The following PRKG1 variants were observed in gnomAD, a reference collection of about 807,000 sequenced individuals.
The protein encoded by PRKG1 is cGMP-dependent protein kinase 1.
A neutral mutation model predicts 88.1 loss-of-function variants in PRKG1; 35 were observed. That is an observed-to-expected ratio of 0.40 (90% CI 0.30 to 0.53). The LOEUF (loss-of-function observed/expected upper bound fraction) is 0.53, where lower values mean the gene tolerates loss of function less well. Among genes scored for constraint, PRKG1 ranks in the 20% least tolerant of loss-of-function variants. The pLI is 0.59. For missense variants in PRKG1, 540 were observed against 839.8 expected, an observed-to-expected ratio of 0.64 and a Z score of 4.41; for synonymous variants, 303 against 292.5, an observed-to-expected ratio of 1.04 and a Z score of -0.37.
intron 3 of PRKG1, among the ~76,000 whole-genome samples, chr10:51,619,343 T>C (rs1160446253): frequency 1.3e-5 from 2 of 152,188 alleles, no homozygotes; most frequent in Non-Finnish European, 2.9e-5. Flanking sequence ...ACTAATGCCT[T>C]GATATTAGCA....
rs114877482 is a variant in PRKG1, at chr10:51,793,051, C to T, written c.593-11534C>T. ...CATTATTAAGTGAAAAAAAAAGGTGCTAGTGACTATCTCCAAACAAATGGA... is the reference window on the plus strand; with the variant it reads ...CATTATTAAGTGAAAAAAAAAGGTGTTAGTGACTATCTCCAAACAAATGGA... On this transcript the variant is annotated intron_variant, in intron 3 of 17. Coordinates refer to ENST00000373980, the MANE Select transcript of PRKG1 (RefSeq NM_006258.4). Among the ~76,000 whole-genome samples the T allele has an allele frequency of 8.5e-3, 1,226 of 144,366 alleles. 23 individuals carry two copies. Among genetic ancestry groups the T allele is most frequent in the African/African-American group, 0.03 (1,157 of 38,650 alleles). 94.7% of individuals were successfully genotyped at this position (144,366 alleles called of 152,430 possible). A position where few individuals can be genotyped will look rare whatever the true frequency, so the allele number is the denominator to read the frequency against.
intron 4 of PRKG1, among the ~76,000 whole-genome samples, chr10:51,862,434 G>A (rs1436091105): frequency 6.6e-6 from 1 of 152,156 alleles, no homozygotes; most frequent in African/African-American, 2.4e-5. Flanking sequence ...GAGTGAGCCA[G>A]TCAGGGAAGA....
chr10:51,711,358 G>A (rs1168692081), intron 3 of PRKG1, among the ~76,000 whole-genome samples: 1 of 151,288 alleles, frequency 6.6e-6, no homozygotes, highest in African/African-American at 2.4e-5. Flanking sequence ...CCCGCCTCGG[G>A]CTCCCAAAGT....
intron 2 of PRKG1, among the ~76,000 whole-genome samples, chr10:51,271,923 G>C (rs1422642456): frequency 6.6e-6 from 1 of 152,182 alleles, no homozygotes; most frequent in Non-Finnish European, 1.5e-5. Context: ...AATTCTTTGG[G>C]TGTATACCCA....
At chr10:52,240,352 C>G (rs565515881) in intron 9 of PRKG1, among the ~76,000 whole-genome samples, 4 of 152,210 alleles carry the variant, frequency 2.6e-5, no homozygotes, top group Non-Finnish European at 2.9e-5. Context: ...TTCTACAAAA[C>G]ACTTGTCAAG....
chr10:51,462,763 T>G (rs1420927286), intron 2 of PRKG1, among the ~76,000 whole-genome samples: 1 of 152,194 alleles, frequency 6.6e-6, no homozygotes, highest in Non-Finnish European at 1.5e-5. Flanking sequence ...TAAACGTCAT[T>G]TTAGCCAACT....
At chr10:51,777,678 T>C (rs1589278309) in intron 3 of PRKG1, among the ~76,000 whole-genome samples, 1 of 152,290 alleles carries the variant, frequency 6.6e-6, no homozygotes, top group East Asian at 1.9e-4. Context: ...GTACATTCTA[T>C]GGGTGTGGAT....
At chr10:50,999,260 T>C (rs1842863757) in intron 1 of PRKG1, among the ~76,000 whole-genome samples, 1 of 152,230 alleles carries the variant, frequency 6.6e-6, no homozygotes, top group South Asian at 2.1e-4. Flanking sequence ...TTGATTTGGA[T>C]TGATTTTGTT....
chr10:51,148,087 A>T (rs1291138595), intron 1 of PRKG1, among the ~76,000 whole-genome samples: 1 of 152,204 alleles, frequency 6.6e-6, no homozygotes, highest in Non-Finnish European at 1.5e-5. Context: ...TATAGGTATT[A>T]ATCAAATATT....
chr10:51,088,672 T>C (rs76580013), intron 1 of PRKG1, among the ~76,000 whole-genome samples: 1,653 of 152,264 alleles, frequency 0.011, 32 homozygotes, highest in African/African-American at 0.038. Context: ...AATTTCTATG[T>C]TTTGACTGTT....
chr10:52,036,852 T>A (rs1422893566), intron 5 of PRKG1, among the ~76,000 whole-genome samples: 1 of 151,782 alleles, frequency 6.6e-6, no homozygotes, highest in Non-Finnish European at 1.5e-5. Flanking sequence ...TGGCCGTCAA[T>A]ACCCACAACA....
At chr10:51,759,236 T>G (rs915777925) in intron 3 of PRKG1, among the ~76,000 whole-genome samples, 28 of 151,980 alleles carry the variant, frequency 1.8e-4, no homozygotes, top group African/African-American at 6.8e-4. Flanking sequence ...TGGGTCAAAT[T>G]GTATTTTTGG....
intron 8 of PRKG1, among the ~76,000 whole-genome samples, chr10:52,160,279 A>C (rs1223160893): frequency 6.6e-6 from 1 of 152,014 alleles, no homozygotes; most frequent in Non-Finnish European, 1.5e-5. Flanking sequence ...ATAATATTTG[A>C]ACATATTTTT....
intron 2 of PRKG1, among the ~76,000 whole-genome samples, chr10:51,389,877 T>C (rs1204821843): frequency 6.6e-6 from 1 of 152,126 alleles, no homozygotes; most frequent in Non-Finnish European, 1.5e-5. Context: ...GATAGGGAGA[T>C]GGAGGGCTCC....
At chr10:51,071,239 C>G (rs1232459163), upstream of PRKG1, among the ~76,000 whole-genome samples, 1 of 152,160 alleles carries the variant, frequency 6.6e-6, no homozygotes, top group Non-Finnish European at 1.5e-5. Flanking sequence ...TGGAAACACT[C>G]AAAAGGTTGA....
intron 5 of PRKG1, among the ~76,000 whole-genome samples, chr10:52,028,158 GC>G (rs35585854): frequency 0.15 from 23,486 of 151,824 alleles, 2,105 homozygotes; most frequent in South Asian, 0.26. Context: ...TACTATTCCT[GC>G]CCTCACAATA....
At chr10:51,062,236 G>T (rs1191527923) in intron 1 of PRKG1, among the ~76,000 whole-genome samples, 1 of 152,168 alleles carries the variant, frequency 6.6e-6, no homozygotes, top group Non-Finnish European at 1.5e-5. Context: ...GAATTCAACT[G>T]GTTGGGCCTG....
chr10:51,884,504 T>TACTGCC (rs61118989), intron 4 of PRKG1, among the ~76,000 whole-genome samples: 48,568 of 138,900 alleles, frequency 0.35, 9,172 homozygotes, highest in African/African-American at 0.49. Flanking sequence ...CAAGTAAATA[T>TACTGCC]ACTGCCACAG....
intron 4 of PRKG1, among the ~76,000 whole-genome samples, chr10:51,810,123 C>T (rs762795457): frequency 2.6e-5 from 4 of 152,108 alleles, no homozygotes; most frequent in Non-Finnish European, 4.4e-5. Flanking sequence ...TCTGATTTCC[C>T]TTCCTTGAGT....
Sources: allele counts gnomAD v4.1 joint callset (sites outside exome capture counted in the v4.1 genomes callset), GRCh38; gene constraint gnomAD v4.1.1; transcripts MANE v1.5; gene names NCBI Gene and HGNC (gene_info 2026-07-23, HGNC 2026-07-21).